Variants in SGCZ observed in about 807,000 individuals in gnomAD.
SGCZ encodes the protein zeta-sarcoglycan.
A neutral mutation model predicts 41.3 loss-of-function variants in SGCZ; 40 were observed. That is an observed-to-expected ratio of 0.97 (90% CI 0.75 to 1.26). The LOEUF is 1.26. SGCZ is among the 50% of genes most tolerant of loss of function. SGCZ has a pLI of 0.00. For missense variants in SGCZ, 552 were observed against 369.8 expected (o/e 1.49, Z -4.04); for synonymous variants, 206 against 137.5 (o/e 1.50, Z -3.49).
At chr8:14,364,984 G>A (rs938365140) in intron 2 of SGCZ, among the ~76,000 whole-genome samples, 1 of 151,858 alleles carries the variant, frequency 6.6e-6, no homozygotes, top group Non-Finnish European at 1.5e-5. Flanking sequence ...TCATCTATCA[G>A]ATTTGTTTTT....
intron 7 of SGCZ, among the ~76,000 whole-genome samples, chr8:14,097,017 G>T (rs893132815): frequency 6.6e-6 from 1 of 151,362 alleles, no homozygotes; most frequent in African/African-American, 2.4e-5. Flanking sequence ...TCTGGCTAGC[G>T]GTCTATTTTG....
chr8:14,779,969 G>C (rs917658955), intron 1 of SGCZ, among the ~76,000 whole-genome samples: 1 of 152,042 alleles, frequency 6.6e-6, no homozygotes, highest in Non-Finnish European at 1.5e-5. Flanking sequence ...GGTTTCTCAC[G>C]GACATATCAG....
intron 1 of SGCZ, among the ~76,000 whole-genome samples, chr8:15,212,483 A>G (rs2117163246): frequency 6.6e-6 from 1 of 152,242 alleles, no homozygotes. Flanking sequence ...TCCTTTTAAA[A>G]TAACTTGGGG....
chr8:15,206,990 G>C (rs954485379), intron 1 of SGCZ, among the ~76,000 whole-genome samples: 1 of 152,134 alleles, frequency 6.6e-6, no homozygotes, highest in Non-Finnish European at 1.5e-5. Context: ...AAAAAGGAAA[G>C]AGTAAATGCA....
chr8:14,809,379 G>T (rs1286680252), intron 1 of SGCZ, among the ~76,000 whole-genome samples: 1 of 152,080 alleles, frequency 6.6e-6, no homozygotes, highest in Non-Finnish European at 1.5e-5. Context: ...CTAAATGATT[G>T]TTTAAACAAT....
intron 2 of SGCZ, among the ~76,000 whole-genome samples, chr8:14,363,839 A>G (rs1364038325): frequency 6.6e-6 from 1 of 152,172 alleles, no homozygotes; most frequent in African/African-American, 2.4e-5. Context: ...TTTTTCCAAC[A>G]TTGCTCATGT....
At chr8:14,796,272 C>A (rs1358642344) in intron 1 of SGCZ, among the ~76,000 whole-genome samples, 2 of 152,128 alleles carry the variant, frequency 1.3e-5, no homozygotes, top group Non-Finnish European at 2.9e-5. Context: ...AATGGCTGAA[C>A]TAATGCCTGC....
At chr8:14,695,490 A>T (rs1585188970) in intron 1 of SGCZ, among the ~76,000 whole-genome samples, 1 of 152,128 alleles carries the variant, frequency 6.6e-6, no homozygotes, top group Admixed American at 6.6e-5. Flanking sequence ...GGCAGGATGG[A>T]GTAGGATGCA....
At chr8:14,289,896 A>T (rs1800780173) in intron 3 of SGCZ, among the ~76,000 whole-genome samples, 1 of 152,012 alleles carries the variant, frequency 6.6e-6, no homozygotes, top group Non-Finnish European at 1.5e-5. Flanking sequence ...GGCCTCTGTA[A>T]ACTTACAGTC....
intron 2 of SGCZ, among the ~76,000 whole-genome samples, chr8:14,493,249 C>T (rs1183286212): frequency 2.6e-5 from 4 of 151,970 alleles, no homozygotes; most frequent in East Asian, 1.9e-4. Context: ...ATGACATGAA[C>T]CTCCTCAATC....
intron 1 of SGCZ, among the ~76,000 whole-genome samples, chr8:14,983,174 CTTTTTTTTTTCTTTTTTCT>C (rs1003252947): frequency 7.9e-6 from 1 of 127,310 alleles, no homozygotes; most frequent in African/African-American, 2.9e-5. Flanking sequence ...GCTGTCACTC[CTTTTTTTTTTCTTTTTTCT>C]TTTTTTTTTT....
chr8:14,122,349 G>T (rs1802725425), intron 5 of SGCZ, among the ~76,000 whole-genome samples: 6 of 152,086 alleles, frequency 3.9e-5, no homozygotes, highest in Non-Finnish European at 8.8e-5. Context: ...CTCATTCACT[G>T]CCCATGAGAG....
chr8:14,356,239 GA>G (rs1258865186), intron 2 of SGCZ, among the ~76,000 whole-genome samples: 2 of 152,146 alleles, frequency 1.3e-5, no homozygotes, highest in African/African-American at 4.8e-5. Flanking sequence ...ATGCATTTTT[GA>G]CAATGATATT....
chr8:14,389,814 G>A (rs931742683), intron 2 of SGCZ, among the ~76,000 whole-genome samples: 3 of 151,978 alleles, frequency 2.0e-5, no homozygotes, highest in South Asian at 2.1e-4. Flanking sequence ...TTGAGAATGT[G>A]TTTGTTATTG....
chr8:14,837,087 G>T (rs965030698), intron 1 of SGCZ, among the ~76,000 whole-genome samples: 1 of 152,088 alleles, frequency 6.6e-6, no homozygotes, highest in South Asian at 2.1e-4. Context: ...CTTACAATTT[G>T]CCAGACACAA....
At chr8:14,910,309 G>C (rs931221188) in intron 1 of SGCZ, among the ~76,000 whole-genome samples, 7 of 151,922 alleles carry the variant, frequency 4.6e-5, no homozygotes, top group Admixed American at 3.3e-4. Flanking sequence ...TATTTAGTCA[G>C]TTAATTAAAA....
chr8:14,162,752 A>T (rs1804085294), intron 5 of SGCZ: 1 of 152,420 alleles, frequency 6.6e-6, no homozygotes, highest in African/African-American at 2.4e-5. Context: ...CCCAAGGGAC[A>T]GGAGGGACAG....
At chr8:14,350,587 T>C (rs113939390) in intron 2 of SGCZ, among the ~76,000 whole-genome samples, 4 of 151,962 alleles carry the variant, frequency 2.6e-5, no homozygotes, top group African/African-American at 4.8e-5. Flanking sequence ...TACAGAGGTG[T>C]AAGGTTCTGG....
At chr8:15,010,477 G>C (rs975400733) in intron 1 of SGCZ, among the ~76,000 whole-genome samples, 1 of 152,048 alleles carries the variant, frequency 6.6e-6, no homozygotes, top group Non-Finnish European at 1.5e-5. Context: ...TTACTTTTAT[G>C]TTGGTGGTCA....
Sources: gnomAD v4.1 joint callset for allele counts (sites outside exome capture counted in the v4.1 genomes callset) on GRCh38, gnomAD v4.1.1 for gene constraint, MANE v1.5 for transcripts, NCBI Gene and HGNC (gene_info 2026-07-23, HGNC 2026-07-21) for gene names.